The following SPTBN4 variants were observed in gnomAD, a reference collection of about 807,000 sequenced individuals.
SPTBN4 encodes the protein spectrin beta chain, non-erythrocytic 4.
A neutral mutation model predicts 277.8 loss-of-function variants in SPTBN4; 96 were observed. The ratio of observed to expected loss-of-function variants is 0.35; its 90% CI spans 0.29 to 0.41. The LOEUF is 0.41. SPTBN4 is among the 10% of genes least tolerant of loss of function. SPTBN4 has a pLI of 1.00. For synonymous variants in SPTBN4, 1,481 were observed against 1,580.3 expected (o/e 0.94, Z 1.49); for missense variants, 3,006 against 3,595.7 (o/e 0.84, Z 4.19).
intron 20 of SPTBN4, among the ~76,000 whole-genome samples, chr19:40,544,384 C>T (rs551900426): frequency 1.1e-3 from 164 of 149,946 alleles, no homozygotes; most frequent in African/African-American, 3.8e-3. Flanking sequence ...CCTCGTGATC[C>T]GCCCGCCTCA....
chr19:40,478,567 A>T (rs142782391), intron 2 of SPTBN4, among the ~76,000 whole-genome samples: 2,483 of 152,004 alleles, frequency 0.016, 70 homozygotes, highest in African/African-American at 0.056. Flanking sequence ...TTTTTTTGAG[A>T]CAGAGTCTCG....
At chr19:40,540,828 AAAAAAAAAAAAAG>A (rs905165213) in intron 20 of SPTBN4, among the ~76,000 whole-genome samples, 11 of 151,512 alleles carry the variant, frequency 7.3e-5, no homozygotes, top group Non-Finnish European at 1.2e-4. Flanking sequence ...AAAAAAAAAA[AAAAAAAAAAAAAG>A]AAAAGTAATT....
chr19:40,554,235 A>C lies in SPTBN4; in HGVS notation c.4763A>C (p.Glu1588Ala). The change falls in exon 23 of 36, where the codon GAG becomes GCG. Residue 1588 changes from glutamate to alanine, a missense_variant. Glu to Ala is a moderately radical substitution (Grantham distance 107, BLOSUM62 -1). This residue lies in a region of SPTBN4 where 1,759 missense variants were observed against 2,061.5 expected (regional missense o/e 0.85). Transcript: ENST00000598249. This position sits in a 1 kb window ranked among gnomAD's most constrained non-coding sequence, Gnocchi z 5.7. ...GCGCTGGCGTCGCTGCGCAGCCCGG[A>C]GGCAGAGGCAGTGCGCCGGGGCCTG... ...AGALASLRSP[E>A]AEAVRRGLEQ... 1 of 1,518,510 alleles carries C rather than the reference A, an allele frequency of 6.6e-7. No homozygotes were observed. Among genetic ancestry groups the C allele is most frequent in the East Asian group, 2.5e-5 (1 of 39,278 alleles). 94.1% of individuals were successfully genotyped at this position (1,518,510 alleles called of 1,614,324 possible).
At chr19:40,569,196 C>T (rs1363211957) in intron 31 of SPTBN4, among the ~76,000 whole-genome samples, 2 of 151,974 alleles carry the variant, frequency 1.3e-5, no homozygotes, top group African/African-American at 2.4e-5. Context: ...GAGGTTGAGG[C>T]GGGCAGATCA....
At position 40,536,254 on chromosome 19, in the gene SPTBN4, C is replaced by T. The variant is rs555085041; in HGVS notation, c.4359+1911C>T. 1.8e-4 allele frequency among the ~76,000 whole-genome samples: 28 copies of T among 151,966 alleles called. No individual in the cohort carries two copies. In the South Asian group the frequency reaches 4.8e-3, roughly 26 times the overall value. ...CCTTCGTTGGAGTCTTGCTCTGTCACCCAGGCTGGAGTGTGGTGGTGCAAT... is the reference window on the plus strand; with the variant it reads ...CCTTCGTTGGAGTCTTGCTCTGTCATCCAGGCTGGAGTGTGGTGGTGCAAT... On this transcript the variant is annotated intron_variant, in intron 20 of 35. Coordinates refer to ENST00000598249, the MANE Select transcript of SPTBN4 (RefSeq NM_020971.3).
At chr19:40,486,716 G>T (rs1032140814) in intron 2 of SPTBN4, among the ~76,000 whole-genome samples, 3 of 151,694 alleles carry the variant, frequency 2.0e-5, no homozygotes, top group African/African-American at 7.3e-5. Flanking sequence ...GTTCCTTAAG[G>T]CCGGGCGCAA....
intron 7 of SPTBN4, among the ~76,000 whole-genome samples, chr19:40,501,264 G>C (rs2080260574): frequency 6.6e-6 from 1 of 151,630 alleles, no homozygotes; most frequent in African/African-American, 2.4e-5. Flanking sequence ...GTAAAAAGTT[G>C]AGCTCTGAAG....
At chr19:40,523,302 C>T in intron 16 of SPTBN4, 135 bp from the exon 17 acceptor site, 1 of 821,694 alleles carries the variant, frequency 1.2e-6, no homozygotes, top group South Asian at 1.8e-5. Flanking sequence ...GGGCAACAGC[C>T]CCGAGGTGGG....
chr19:40,528,014 C>T (rs1183320170), intron 17 of SPTBN4, among the ~76,000 whole-genome samples: 5 of 150,032 alleles, frequency 3.3e-5, no homozygotes, highest in Non-Finnish European at 5.9e-5. Flanking sequence ...CGAGATCACG[C>T]CACTGCACTC....
At chr19:40,570,946 G>A (rs1466236776) in intron 33 of SPTBN4, 1 of 523,270 alleles carries the variant, frequency 1.9e-6, no homozygotes, top group South Asian at 2.4e-5. Context: ...CCTCCAACCC[G>A]TGGGGGTAGT....
intron 20 of SPTBN4, among the ~76,000 whole-genome samples, chr19:40,542,305 G>A (rs913704228): frequency 6.6e-6 from 1 of 151,896 alleles, no homozygotes; most frequent in African/African-American, 2.4e-5. Flanking sequence ...CCCTCATCCC[G>A]TACCACACCC....
At chr19:40,570,835 G>A (rs1222570169) in intron 33 of SPTBN4, 107 bp downstream of exon 33, 30 of 1,258,190 alleles carry the variant, frequency 2.4e-5, no homozygotes, top group Non-Finnish European at 3.0e-5. Flanking sequence ...AGGCCCTCCA[G>A]CAGGTGGCGG....
chr19:40,518,229 C>T (rs1193285395), intron 15 of SPTBN4, among the ~76,000 whole-genome samples: 2 of 151,990 alleles, frequency 1.3e-5, no homozygotes, highest in Non-Finnish European at 2.9e-5. Context: ...TCCCATGAAC[C>T]TGGGAGGCGG....
At chr19:40,482,251 T>G (rs1206111574) in intron 2 of SPTBN4, among the ~76,000 whole-genome samples, 1 of 150,810 alleles carries the variant, frequency 6.6e-6, no homozygotes, top group African/African-American at 2.4e-5. Context: ...TTTTAATTTT[T>G]TATACAATGG....
At chr19:40,479,464 A>G (rs932143140) in intron 2 of SPTBN4, among the ~76,000 whole-genome samples, 4 of 151,778 alleles carry the variant, frequency 2.6e-5, no homozygotes, top group Admixed American at 2.0e-4. Flanking sequence ...GCAACCACTG[A>G]CATTGTTTTG....
At chr19:40,535,124 C>G (rs2080720500) in intron 20 of SPTBN4, among the ~76,000 whole-genome samples, 1 of 152,182 alleles carries the variant, frequency 6.6e-6, no homozygotes, top group South Asian at 2.1e-4. Context: ...GGCTTGATCT[C>G]AGTCCATTGC....
In SPTBN4 at chr19:40,490,414, C is replaced by T. The variant is rs1459679999; in HGVS notation, c.495+166C>T. 6.6e-6 allele frequency among the ~76,000 whole-genome samples: 1 copy of T among 152,130 alleles called. No individual in the cohort carries two copies. The highest frequency in any genetic ancestry group is 1.5e-5 in the Non-Finnish European group (1 of 68,026). ...TGATAAAAATAATTGTCACGATCAC[C>T]ACCATCACGATAATCATTTTGTATC... On this transcript the variant is annotated intron_variant, in intron 4 of 35. Transcript: ENST00000598249. The surrounding 1 kb of genome is among the most constrained non-coding windows in gnomAD (Gnocchi z 4.3).
At chr19:40,552,450 C>T (rs1188648743) in intron 22 of SPTBN4, among the ~76,000 whole-genome samples, 16 of 128,746 alleles carry the variant, frequency 1.2e-4, no homozygotes, top group Admixed American at 5.7e-4. Context: ...AGCGAGACTC[C>T]GTCTCAAAAA....
intron 2 of SPTBN4, among the ~76,000 whole-genome samples, chr19:40,479,703 T>TATATATATATATA (rs55717416): frequency 1.4e-5 from 2 of 144,644 alleles, no homozygotes; most frequent in African/African-American, 2.6e-5. Flanking sequence ...TATATATATA[T>TATATATATATATA]TTAACTTTTT....
Sources: allele counts gnomAD v4.1 joint callset (sites outside exome capture counted in the v4.1 genomes callset), GRCh38; gene constraint gnomAD v4.1.1; regional missense constraint gnomAD v4.1.1; non-coding constraint Gnocchi (gnomAD v3.1); transcripts MANE v1.5; gene names NCBI Gene and HGNC (gene_info 2026-07-23, HGNC 2026-07-21).